The following CNBD1 variants were observed in gnomAD, a reference collection of about 807,000 sequenced individuals.
CNBD1 encodes cyclic nucleotide-binding domain-containing protein 1.
In CNBD1, 71 loss-of-function variants were observed where a neutral mutation model predicts 54.4. The observed-to-expected ratio is 1.30, with a 90% CI of 1.08 to 1.59. The LOEUF (loss-of-function observed/expected upper bound fraction) is 1.59, where lower values mean the gene tolerates loss of function less well. CNBD1 is among the 40% of genes most tolerant of loss of function. The pLI is 0.00. For synonymous variants in CNBD1, 182 were observed against 170.7 expected (o/e 1.07, Z -0.51); for missense variants, 659 against 518.0 (o/e 1.27, Z -2.64).
chr8:87,352,204 G>A (rs913144155), intron 9 of CNBD1, among the ~76,000 whole-genome samples: 1 of 152,102 alleles, frequency 6.6e-6, no homozygotes, highest in African/African-American at 2.4e-5. Context: ...CCTAGGGCTG[G>A]GCACAGTGGC....
chr8:87,138,212 C>T (rs937932863), intron 4 of CNBD1, among the ~76,000 whole-genome samples: 1 of 152,086 alleles, frequency 6.6e-6, no homozygotes, highest in Non-Finnish European at 1.5e-5. Context: ...CAACAACTTT[C>T]ATTTAGAACT....
At chr8:87,419,101 A>T (rs993525458) in intron 2 of CNBD1, among the ~76,000 whole-genome samples, 4 of 98,676 alleles carry the variant, frequency 4.1e-5, no homozygotes, top group Non-Finnish European at 8.0e-5. Flanking sequence ...TATTATATGT[A>T]TATATATATT....
At chr8:87,247,811 C>T (rs1347298449) in intron 6 of CNBD1, among the ~76,000 whole-genome samples, 1 of 152,148 alleles carries the variant, frequency 6.6e-6, no homozygotes, top group Non-Finnish European at 1.5e-5. Context: ...CTTTTAATCA[C>T]ATCCTGCAAA....
At chr8:87,426,652 G>A (rs969638331) in intron 2 of CNBD1, among the ~76,000 whole-genome samples, 3 of 152,112 alleles carry the variant, frequency 2.0e-5, no homozygotes, top group Non-Finnish European at 4.4e-5. Flanking sequence ...TTTCTCATTT[G>A]TAAAATTGTG....
intron 8 of CNBD1, among the ~76,000 whole-genome samples, chr8:87,289,932 A>T (rs1394514040): frequency 2.6e-5 from 4 of 152,028 alleles, no homozygotes; most frequent in Non-Finnish European, 5.9e-5. Context: ...ATGCCTTTTT[A>T]TTCCTTCATT....
intron 4 of CNBD1, among the ~76,000 whole-genome samples, chr8:86,948,307 A>G (rs1586155033): frequency 6.6e-6 from 1 of 151,974 alleles, no homozygotes; most frequent in Non-Finnish European, 1.5e-5. Context: ...ATATACCTCT[A>G]ATTTTAGTTT....
At chr8:87,345,682 G>GA (rs1461573603) in intron 8 of CNBD1, among the ~76,000 whole-genome samples, 5 of 151,842 alleles carry the variant, frequency 3.3e-5, no homozygotes. Flanking sequence ...AACTAAGCAA[G>GA]AAAATTAATG....
chr8:87,166,700 A>G lies in CNBD1; in HGVS notation c.432-39293A>G, dbSNP rs946706968. Among the ~76,000 whole-genome samples, 3 of 151,692 alleles carry G rather than the reference A, an allele frequency of 2.0e-5. 1 individual carries two copies. The East Asian group carries it at 5.9e-4, about 30-fold the overall frequency. ...CTGATATTTGCACATGTTTGTTTCT[A>G]TTTGGACAGTTCTTTCCTAACTAGG... On this transcript the variant is annotated intron_variant, in intron 4 of 10. Coordinates refer to ENST00000518476, the MANE Select transcript of CNBD1 (RefSeq NM_173538.3). This position sits in a 1 kb window ranked among gnomAD's most constrained non-coding sequence, Gnocchi z 4.3.
At chr8:86,926,902 G>A (rs117000393) in intron 3 of CNBD1, among the ~76,000 whole-genome samples, 4,606 of 152,222 alleles carry the variant, frequency 0.03, 109 homozygotes, top group Middle Eastern at 0.054. Context: ...GTGTAAGTAG[G>A]GGTATTAGTT....
chr8:86,993,095 G>A (rs1808789549), intron 4 of CNBD1, among the ~76,000 whole-genome samples: 1 of 152,036 alleles, frequency 6.6e-6, no homozygotes, highest in Non-Finnish European at 1.5e-5. Context: ...ATGCCAATGT[G>A]TTGTAGGTTT....
intron 2 of CNBD1, among the ~76,000 whole-genome samples, chr8:87,428,067 A>T (rs1262646986): frequency 6.6e-6 from 1 of 151,970 alleles, no homozygotes; most frequent in Non-Finnish European, 1.5e-5. Context: ...CTTAAATAAG[A>T]AATTATCTAC....
intron 8 of CNBD1, among the ~76,000 whole-genome samples, chr8:87,338,826 G>A (rs1322962111): frequency 6.6e-6 from 1 of 152,072 alleles, no homozygotes; most frequent in Non-Finnish European, 1.5e-5. Context: ...CTGACATGAT[G>A]TACTGGATAG....
chr8:87,398,581 ACC>A (rs748445165), intron 2 of CNBD1, among the ~76,000 whole-genome samples: 82 of 152,104 alleles, frequency 5.4e-4, no homozygotes, highest in Non-Finnish European at 1.0e-3. Context: ...TTTCCATAAA[ACC>A]GTGGATTGCT....
rs138507006 is a variant in CNBD1, at chr8:87,181,243, A to C, written c.432-24750A>C. Among the ~76,000 whole-genome samples the C allele has an allele frequency of 1.2e-4, 19 of 152,352 alleles. 1 individual carries two copies. Among genetic ancestry groups the C allele is most frequent in the African/African-American group, 4.6e-4 (19 of 41,594 alleles). The stretch of plus-strand genomic sequence containing the variant: ...ATATATTTTCTTAAGTTATGAATAC[A>C]CAATAACTGCACATATATACAGTAT... On this transcript the variant is annotated intron_variant, in intron 4 of 10. Coordinates refer to ENST00000518476, the MANE Select transcript of CNBD1 (RefSeq NM_173538.3).
At chr8:87,021,127 A>G (rs1330111052) in intron 4 of CNBD1, among the ~76,000 whole-genome samples, 1 of 152,248 alleles carries the variant, frequency 6.6e-6, no homozygotes, top group Non-Finnish European at 1.5e-5. Flanking sequence ...CCTAAAATAC[A>G]TAAACCAAGC....
chr8:87,000,537 A>C (rs1287794198), intron 4 of CNBD1, among the ~76,000 whole-genome samples: 1 of 152,228 alleles, frequency 6.6e-6, no homozygotes, highest in South Asian at 2.1e-4. Flanking sequence ...TCTCATATGT[A>C]GTTAAGTGAA....
intron 4 of CNBD1, among the ~76,000 whole-genome samples, chr8:86,969,780 T>TTTTATA: frequency 6.9e-6 from 1 of 145,344 alleles, no homozygotes; most frequent in East Asian, 2.1e-4. Context: ...GACTAGTGTT[T>TTTTATA]TATATATATA....
At chr8:87,285,008 T>A (rs1808665549) in intron 7 of CNBD1, among the ~76,000 whole-genome samples, 193 bp downstream of exon 7, 4 of 152,060 alleles carry the variant, frequency 2.6e-5, no homozygotes, top group Admixed American at 1.3e-4. Context: ...TAAACAAAGG[T>A]CTCAATGAAT....
chr8:87,232,708 G>T (rs1807469758), intron 5 of CNBD1, among the ~76,000 whole-genome samples: 1 of 152,044 alleles, frequency 6.6e-6, no homozygotes, highest in Non-Finnish European at 1.5e-5. Context: ...TATAATTTCA[G>T]GGACTTCTTT....
Sources: allele counts gnomAD v4.1 joint callset (sites outside exome capture counted in the v4.1 genomes callset), GRCh38; gene constraint gnomAD v4.1.1; non-coding constraint Gnocchi (gnomAD v3.1); transcripts MANE v1.5; gene names NCBI Gene and HGNC (gene_info 2026-07-23, HGNC 2026-07-21).